MED1: variants seen among roughly 807,000 people sequenced by gnomAD.
The protein encoded by MED1 is mediator of RNA polymerase II transcription subunit 1.
A neutral mutation model predicts 121.3 loss-of-function variants in MED1; 17 were observed. The observed-to-expected ratio is 0.14, with a 90% CI of 0.10 to 0.21. The LOEUF (loss-of-function observed/expected upper bound fraction) is 0.21. Ranked by LOEUF, MED1 falls within the 10% of genes least tolerant of loss-of-function variation. MED1 has a pLI of 1.00. For missense variants in MED1, 1,558 were observed against 1,919.4 expected (o/e 0.81, Z 3.52); for synonymous variants, 661 against 694.4 (o/e 0.95, Z 0.76).
chr17:39,418,522 G>A (rs2048431866), intron 14 of MED1, among the ~76,000 whole-genome samples: 1 of 151,308 alleles, frequency 6.6e-6, no homozygotes, highest in Non-Finnish European at 1.5e-5. Context: ...AACAGAGTGA[G>A]ACCCTGTCTC....
chr17:39,428,354 C>T (rs1322929345), intron 9 of MED1, among the ~76,000 whole-genome samples: 1 of 152,066 alleles, frequency 6.6e-6, no homozygotes, highest in Non-Finnish European at 1.5e-5. Flanking sequence ...CATGGTGGCA[C>T]GCGCCTGTAG....
At chr17:39,447,071 C>T (rs2048734834) in intron 2 of MED1, among the ~76,000 whole-genome samples, 1 of 152,054 alleles carries the variant, frequency 6.6e-6, no homozygotes, top group African/African-American at 2.4e-5. Context: ...CACACCTGAC[C>T]TCACATAACA....
chr17:39,446,546 G>A (rs1454823693), intron 2 of MED1, among the ~76,000 whole-genome samples: 3 of 151,380 alleles, frequency 2.0e-5, no homozygotes, highest in Non-Finnish European at 4.4e-5. Flanking sequence ...AGCACTTTGG[G>A]AGGCAGATCA....
Position 39,440,021 on chromosome 17 carries a change from A to AAGGAAGGAAGGAAGGAAGGAAGGAAG in MED1, c.399+364_399+365insCTTCCTTCCTTCCTTCCTTCCTTCCT, listed in dbSNP as rs1567652006. Among the ~76,000 whole-genome samples the AAGGAAGGAAGGAAGGAAGGAAGGAAG allele has an allele frequency of 1.3e-5, 1 of 74,604 alleles. No homozygotes were observed. The highest frequency in any genetic ancestry group is 3.3e-5 in the Non-Finnish European group (1 of 29,914). The allele number at this position is 74,604 out of a possible 152,430, so 48.9% of individuals were successfully genotyped here. On this transcript the variant is annotated intron_variant, in intron 5 of 16. Coordinates refer to ENST00000300651, the MANE Select transcript of MED1 (RefSeq NM_004774.4). The surrounding 1 kb of genome is among the most constrained non-coding windows in gnomAD (Gnocchi z 4.1). ...AGGAAGGAAGGAAGGAAGGAAGGAAAGAAAGAAAGAAAGAGAGAAAGAGAA... is the reference window on the plus strand; with the variant it reads ...AGGAAGGAAGGAAGGAAGGAAGGAAAAGGAAGGAAGGAAGGAAGGAAGGAAGGAAAGAAAGAAAGAGAGAAAGAGAA...
At chr17:39,418,247 T>G (rs2048428870) in intron 14 of MED1, among the ~76,000 whole-genome samples, 1 of 151,844 alleles carries the variant, frequency 6.6e-6, no homozygotes, top group African/African-American at 2.4e-5. Context: ...CAACCTAAAA[T>G]TTAACCTAAA....
At chr17:39,423,299 C>T in intron 13 of MED1, 28 bp downstream of exon 13, 2 of 1,500,852 alleles carry the variant, frequency 1.3e-6, no homozygotes, top group Non-Finnish European at 1.9e-6. Flanking sequence ...TAACCTACAA[C>T]ATTCTAGCTC....
intron 9 of MED1, among the ~76,000 whole-genome samples, chr17:39,429,558 C>T (rs1212554575): frequency 2.0e-5 from 3 of 151,016 alleles, no homozygotes; most frequent in Non-Finnish European, 3.0e-5. Flanking sequence ...TAGCTGGGCA[C>T]GGTGGCACGT....
chr17:39,417,556 G>A (rs2048422041), intron 14 of MED1, among the ~76,000 whole-genome samples: 1 of 152,014 alleles, frequency 6.6e-6, no homozygotes, highest in South Asian at 2.1e-4. Flanking sequence ...GTGAACTCAG[G>A]AGGCAGAGCT....
At position 39,409,684 on chromosome 17, in the gene MED1, G is replaced by C. The variant is rs1285885581; in HGVS notation, c.2537C>G (p.Ala846Gly). The change falls in exon 17 of 17, where the codon GCT becomes GGT. Residue 846 changes from alanine to glycine, a missense_variant. This residue lies in a region of MED1 where 793 missense variants were observed against 898.2 expected (regional missense o/e 0.88). Transcript: ENST00000300651. Reference protein sequence around the residue: ...TDPADLIADAAGSPSSDSPTN... With the variant: ...TDPADLIADAGGSPSSDSPTN... The stretch of plus-strand genomic sequence containing the variant: ...AGGAGAGTCACTACTGGGGCTTCCA[G>C]CAGCATCTGCAATAAGATCAGCTGG... 6.2e-7 allele frequency: 1 copy of C among 1,614,134 alleles called. No homozygotes were observed. Among genetic ancestry groups the C allele is most frequent in the South Asian group, 1.1e-5 (1 of 91,088 alleles).
chr17:39,413,647 T>C (rs1184371297), intron 16 of MED1, among the ~76,000 whole-genome samples: 1 of 151,846 alleles, frequency 6.6e-6, no homozygotes, highest in African/African-American at 2.4e-5. Flanking sequence ...GGTGGAAGGA[T>C]AACCTGAACC....
Position 39,424,740 on chromosome 17 carries a change from TG to T in MED1, c.740-3del. 1 of 1,563,592 alleles carries T rather than the reference TG, an allele frequency of 6.4e-7. No individual in the cohort carries two copies. Among genetic ancestry groups the T allele is most frequent in the South Asian group, 1.1e-5 (1 of 88,666 alleles). ...CATTCATGCCCAAAGATCGAGAAAC[TG>T]GGGATAGGAAAGAAAAAGGGTATTC... On this transcript the variant is annotated splice_polypyrimidine_tract_variant and splice_region_variant and intron_variant, in intron 10 of 16. Coordinates refer to ENST00000300651, the MANE Select transcript of MED1 (RefSeq NM_004774.4).
At chr17:39,442,625 C>T (rs1387370986) in intron 3 of MED1, among the ~76,000 whole-genome samples, 2 of 144,738 alleles carry the variant, frequency 1.4e-5, no homozygotes, top group Non-Finnish European at 3.0e-5. Flanking sequence ...AAAAAAACTT[C>T]GCGAGTTGCT....
Position 39,405,878 on chromosome 17 carries a change from ACTTACGACAT to A in MED1, c.*1587_*1596del. 1 of 985,608 alleles carries A rather than the reference ACTTACGACAT, an allele frequency of 1.0e-6. No homozygotes were observed. The highest frequency in any genetic ancestry group is 1.2e-6 in the Non-Finnish European group (1 of 830,142). The allele number at this position is 985,608 out of a possible 1,614,324, so 61.1% of individuals were successfully genotyped here. On this transcript the variant is annotated 3_prime_UTR_variant, in exon 17 of 17. Coordinates refer to ENST00000300651, the MANE Select transcript of MED1 (RefSeq NM_004774.4). ...CTTCCATATATGATGAAGTCACTCC[ACTTACGACAT>A]AACACACAAAGGAATCACCTGGCTT...
At chr17:39,439,747 G>A (rs961589517) in intron 5 of MED1, among the ~76,000 whole-genome samples, 5 of 151,954 alleles carry the variant, frequency 3.3e-5, no homozygotes, top group Admixed American at 6.6e-5. Flanking sequence ...AGACCAGCCT[G>A]GCCAACATAG....
In MED1 at chr17:39,409,770, C is replaced by G. The variant is rs2048338514; in HGVS notation, c.2451G>C (p.Gln817His). The change falls in exon 17 of 17, where the codon CAG becomes CAC. Residue 817 changes from glutamine to histidine, a missense_variant. By Grantham distance (24) the Gln-to-His change is conservative. Transcript: ENST00000300651. ...AGACATCAGAGTCAAACAGGGTACTCTGAGAATGCCCAGAGCTTGAAGAAT... is the reference window on the plus strand; with the variant it reads ...AGACATCAGAGTCAAACAGGGTACTGTGAGAATGCCCAGAGCTTGAAGAAT... ...LRDSSSSGHS[Q>H]STLFDSDVFQ... 6.2e-7 allele frequency: 1 copy of G among 1,614,052 alleles called. No individual in the cohort carries two copies. Among genetic ancestry groups the G allele is most frequent in the African/African-American group, 1.3e-5 (1 of 74,936 alleles).
At chr17:39,412,533 CTTTTTTTTTTTTT>C (rs1170139893) in intron 16 of MED1, among the ~76,000 whole-genome samples, 4 of 102,290 alleles carry the variant, frequency 3.9e-5, no homozygotes, top group Non-Finnish European at 6.4e-5. Flanking sequence ...GCAAATTTTT[CTTTTTTTTTTTTT>C]TTTTTTCTTT....
intron 11 of MED1, 60 bp from the exon 12 acceptor site, chr17:39,423,881 A>C: frequency 1.3e-6 from 2 of 1,534,130 alleles, no homozygotes; most frequent in Non-Finnish European, 1.7e-6. Context: ...TGAAAAACCC[A>C]AACACCTTTT....
Position 39,423,318 on chromosome 17 carries a change from T to C in MED1, c.1095+9A>G, listed in dbSNP as rs1489344721. The C allele has an allele frequency of 6.4e-7, 1 of 1,572,892 alleles. No homozygotes were observed. Among genetic ancestry groups the C allele is most frequent in the South Asian group, 1.1e-5 (1 of 90,160 alleles). On this transcript the variant is annotated intron_variant, in intron 13 of 16. Coordinates refer to ENST00000300651, the MANE Select transcript of MED1 (RefSeq NM_004774.4). ...CTACAACATTCTAGCTCCCTAGGGC[T>C]TTACTTACAGCATAAAATCTCATGT...
chr17:39,410,436 G>T lies in MED1; in HGVS notation c.1785C>A (p.Phe595Leu). The change falls in exon 17 of 17, where the codon TTC becomes TTA. Residue 595 changes from phenylalanine (F) to leucine (L), a missense_variant. This residue lies in a region of MED1 where 793 missense variants were observed against 898.2 expected (regional missense o/e 0.88). Transcript: ENST00000300651. ...GAATTGGGTTCTGAGACACCTTGCT[G>T]AAGTCCTCCCCATGGCCCACCGACT... ...RHESVGHGEDFSKVSQNPILT... is the reference protein window; with the variant it reads ...RHESVGHGEDLSKVSQNPILT... 6.2e-7 allele frequency: 1 copy of T among 1,613,994 alleles called. No homozygotes were observed. The highest frequency in any genetic ancestry group is 8.5e-7 in the Non-Finnish European group (1 of 1,180,004).
Sources: gnomAD v4.1 joint callset for allele counts (sites outside exome capture counted in the v4.1 genomes callset) on GRCh38, gnomAD v4.1.1 for gene constraint, gnomAD v4.1.1 regional missense constraint, Gnocchi (gnomAD v3.1) non-coding constraint, MANE v1.5 for transcripts, NCBI Gene and HGNC (gene_info 2026-07-23, HGNC 2026-07-21) for gene names.